Variants in LIG1 observed in about 807,000 individuals in gnomAD.
The protein encoded by LIG1 is ligase I, DNA, ATP-dependent.
A neutral mutation model predicts 115.7 loss-of-function variants in LIG1; 70 were observed. The observed-to-expected ratio is 0.60, with a 90% CI of 0.50 to 0.74. The LOEUF is 0.74. Among genes scored for constraint, LIG1 ranks in the 30% least tolerant of loss-of-function variants. LIG1 has a pLI of 0.00. For missense variants in LIG1, 1,115 were observed against 1,225.6 expected (o/e 0.91, Z 1.35); for synonymous variants, 487 against 495.3 (o/e 0.98, Z 0.22).
chr19:48,137,712 G>A lies in LIG1; in HGVS notation c.1088-24C>T, dbSNP rs1277288490. 1 of 1,599,558 alleles carries A rather than the reference G, an allele frequency of 6.3e-7. No homozygotes were observed. The highest frequency in any genetic ancestry group is 1.7e-5 in the Admixed American group (1 of 59,938). On this transcript the variant is annotated intron_variant, in intron 12 of 27. Transcript: ENST00000263274. This position sits in a 1 kb window ranked among gnomAD's most constrained non-coding sequence, Gnocchi z 4.3. The stretch of plus-strand genomic sequence containing the variant: ...ACCTTCAGGGGAGAGCGCGGGTGGG[G>A]GTGTCGAGGGTGACAGTTGTGGCTG...
At chr19:48,142,560 G>A (rs1024869445) in intron 11 of LIG1, among the ~76,000 whole-genome samples, 2 of 152,076 alleles carry the variant, frequency 1.3e-5, no homozygotes, top group African/African-American at 4.8e-5. Flanking sequence ...AGTCACAACA[G>A]GCTCGAACCA....
chr19:48,121,019 G>A, intron 24 of LIG1, 151 bp downstream of exon 24: 1 of 1,515,610 alleles, frequency 6.6e-7, no homozygotes, highest in Non-Finnish European at 8.8e-7. Flanking sequence ...GTTGCTCATA[G>A]AACCAGAAAA....
intron 18 of LIG1, among the ~76,000 whole-genome samples, chr19:48,132,584 G>C (rs2034097494): frequency 6.6e-6 from 1 of 151,786 alleles, no homozygotes; most frequent in African/African-American, 2.4e-5. Context: ...GAGGTCAAGA[G>C]ATCGAGACCA....
intron 26 of LIG1, 101 bp from the exon 27 acceptor site, chr19:48,116,066 G>A: frequency 1.2e-6 from 1 of 839,310 alleles, no homozygotes; most frequent in African/African-American, 1.7e-5. Context: ...CCACATGACG[G>A]GGCCGAACGA....
Position 48,150,138 on chromosome 19 carries a change from T to C in LIG1, c.647A>G (p.Glu216Gly), listed in dbSNP as rs1339354827. 2.5e-6 allele frequency: 4 copies of C among 1,614,174 alleles called. No individual in the cohort carries two copies. The highest frequency in any genetic ancestry group is 3.4e-6 in the Non-Finnish European group (4 of 1,180,024). The change falls in exon 8 of 28, where the codon GAG becomes GGG. Residue 216 changes from glutamate (E) to glycine (G), a missense_variant. Transcript: ENST00000263274. ...AGCTCTGCGGGGAGGCTTGGTCTGCTCTTCCTCCTCCTGCAGTTCCTGCTT... is the reference window on the plus strand; with the variant it reads ...AGCTCTGCGGGGAGGCTTGGTCTGCCCTTCCTCCTCCTGCAGTTCCTGCTT... ...ATKQELQEEE[E>G]QTKPPRRAPK...
chr19:48,121,091 G>T, intron 24 of LIG1, 79 bp downstream of exon 24: 2 of 1,611,502 alleles, frequency 1.2e-6, no homozygotes, highest in Non-Finnish European at 1.7e-6. Context: ...CCTCGGTCTG[G>T]GTTGTGCAAT....
intron 19 of LIG1, among the ~76,000 whole-genome samples, chr19:48,130,713 A>C (rs2033962495): frequency 6.6e-6 from 1 of 152,186 alleles, no homozygotes; most frequent in African/African-American, 2.4e-5. Context: ...CTCAAGCTAG[A>C]ATCCCTTTTC....
chr19:48,132,979 T>G lies in LIG1; in HGVS notation c.1725+3A>C, dbSNP rs2034140967. On this transcript the variant is annotated splice_donor_region_variant and intron_variant, in intron 18 of 27. Coordinates refer to ENST00000263274, the MANE Select transcript of LIG1 (RefSeq NM_000234.3). ...TGGAAGGGACATGTCCCACTCCCCA[T>G]ACCTGTGCCCTCTGCCCGTCATATT... 1 of 1,602,888 alleles carries G rather than the reference T, an allele frequency of 6.2e-7. No individual in the cohort carries two copies. Among genetic ancestry groups the G allele is most frequent in the African/African-American group, 1.3e-5 (1 of 74,636 alleles).
chr19:48,155,806 G>A (rs1029132223), intron 5 of LIG1, among the ~76,000 whole-genome samples: 1 of 152,134 alleles, frequency 6.6e-6, no homozygotes, highest in Non-Finnish European at 1.5e-5. Flanking sequence ...ATCTGTGTAG[G>A]TTTCATAAAA....
At chr19:48,119,862 G>T (rs1023513770) in intron 24 of LIG1, among the ~76,000 whole-genome samples, 3 of 152,096 alleles carry the variant, frequency 2.0e-5, no homozygotes, top group African/African-American at 7.2e-5. Context: ...TGTTAACACT[G>T]CCAAGAGCTT....
rs551188004 is a variant in LIG1 at position 48,129,288 on chromosome 19, T to G, written c.1822-1268A>C. Among the ~76,000 whole-genome samples, 57 of 152,278 alleles carry G rather than the reference T, an allele frequency of 3.7e-4. No individual in the cohort carries two copies. In the South Asian group the frequency reaches 0.012, roughly 32 times the overall value. ...CTGGTCTCGAACTCCTAACCTCAAG[T>G]GATTCACCCGCCTTGCCCTCCCAAA... On this transcript the variant is annotated intron_variant, in intron 19 of 27. Coordinates refer to ENST00000263274, the MANE Select transcript of LIG1 (RefSeq NM_000234.3).
chr19:48,121,072 G>A, intron 24 of LIG1, 98 bp downstream of exon 24: 1 of 1,602,720 alleles, frequency 6.2e-7, no homozygotes, highest in Non-Finnish European at 8.5e-7. Context: ...ACAGGGGGAT[G>A]TGAGCACCCC....
At chr19:48,161,176 G>T in intron 4 of LIG1, 196 bp downstream of exon 4, 1 of 700,806 alleles carries the variant, frequency 1.4e-6, no homozygotes, top group Non-Finnish European at 2.5e-6. Context: ...CTAACGTGGT[G>T]AAGGAGCCCA....
rs901737148 is a variant in LIG1, at chr19:48,137,823, G to C, written c.1088-135C>G. ...GTCCCTGCACCTCCCTGTGTCTAAC[G>C]CTCACCCACTTGGTAGAAATGGCTT... On this transcript the variant is annotated intron_variant, in intron 12 of 27. Transcript: ENST00000263274. This position sits in a 1 kb window ranked among gnomAD's most constrained non-coding sequence, Gnocchi z 4.3. 2.5e-5 allele frequency: 27 copies of C among 1,101,608 alleles called. No individual in the cohort carries two copies. The South Asian group carries it at 3.7e-4, about 15-fold the overall frequency. 68.2% of individuals were successfully genotyped at this position (1,101,608 alleles called of 1,614,324 possible).
At chr19:48,121,354 G>A (rs2122352627) in intron 23 of LIG1, 32 bp from the exon 24 acceptor site, 3 of 1,568,594 alleles carry the variant, frequency 1.9e-6, no homozygotes, top group East Asian at 4.6e-5. Flanking sequence ...GATGAGAAGG[G>A]GGAGCGCCCA....
At chr19:48,157,225 CCTCT>C (rs1411495028) in intron 4 of LIG1, 85 bp from the exon 5 acceptor site, 2 of 1,419,892 alleles carry the variant, frequency 1.4e-6, no homozygotes, top group East Asian at 2.4e-5. Flanking sequence ...GGGACTGAAA[CCTCT>C]CTGTCTACCC....
At position 48,134,036 on chromosome 19, in the gene LIG1, G is replaced by A. The variant is rs1026043030; in HGVS notation, c.1554C>T (p.Pro518=). 27 of 1,557,654 alleles carry A rather than the reference G, an allele frequency of 1.7e-5. No individual in the cohort carries two copies. Among genetic ancestry groups the A allele is most frequent in the Admixed American group, 7.7e-5 (4 of 51,908 alleles). Residue 518 remains proline, a synonymous_variant, in exon 17 of 28, where the codon CCC becomes CCT. Coordinates refer to ENST00000263274, the MANE Select transcript of LIG1 (RefSeq NM_000234.3). ...GTTCCAGGCCGTGCTCCAGCAGCACGGGGATAATTCGGTCCAGGTCGGGAA... is the reference window on the plus strand; with the variant it reads ...GTTCCAGGCCGTGCTCCAGCAGCACAGGGATAATTCGGTCCAGGTCGGGAA... The part of the protein sequence containing the change: ...CEVPDLDRII[P]VLLEHGLERL...
At chr19:48,127,680 T>C (rs557182941) in intron 20 of LIG1, 4 of 624,432 alleles carry the variant, frequency 6.4e-6, no homozygotes, top group South Asian at 5.6e-5. Context: ...TCTTCTTTCA[T>C]AGTAAAACAA....
chr19:48,127,885 C>G (rs2033773816), intron 20 of LIG1, 25 bp downstream of exon 20: 1 of 1,562,768 alleles, frequency 6.4e-7, no homozygotes, highest in African/African-American at 1.4e-5. Flanking sequence ...GGGGCCTTGG[C>G]AGGCAGTGGA....
Sources: gnomAD v4.1 joint callset for allele counts (sites outside exome capture counted in the v4.1 genomes callset) on GRCh38, gnomAD v4.1.1 for gene constraint, Gnocchi (gnomAD v3.1) non-coding constraint, MANE v1.5 for transcripts, NCBI Gene and HGNC (gene_info 2026-07-23, HGNC 2026-07-21) for gene names.